ATP9B: variants seen among roughly 807,000 people sequenced by gnomAD.
The protein encoded by ATP9B is probable phospholipid-transporting ATPase IIB.
Under a neutral mutation model 146.1 loss-of-function variants are expected in ATP9B, and 110 were observed. The observed-to-expected ratio is 0.75, with a 90% CI of 0.65 to 0.88. The LOEUF is 0.88. Among genes scored for constraint, ATP9B ranks in the 40% least tolerant of loss-of-function variants. ATP9B has a pLI of 0.00. For synonymous variants in ATP9B, 604 were observed against 569.7 expected, an observed-to-expected ratio of 1.06 and a Z score of -0.86; for missense variants, 1,499 against 1,496.4, an observed-to-expected ratio of 1.00 and a Z score of -0.03.
intron 11 of ATP9B, among the ~76,000 whole-genome samples, chr18:79,252,864 A>G (rs1421599106): frequency 6.6e-6 from 1 of 151,098 alleles, no homozygotes; most frequent in African/African-American, 2.4e-5. Flanking sequence ...GGAAAGACAT[A>G]CATACTGTCC....
chr18:79,110,356 T>G lies in ATP9B; in HGVS notation c.295T>G (p.Cys99Gly). The G allele has an allele frequency of 6.3e-7, 1 of 1,595,038 alleles. No homozygotes were observed. Among genetic ancestry groups the G allele is most frequent in the Non-Finnish European group, 8.5e-7 (1 of 1,171,012 alleles). ...CDGWKFLCTS[C>G]CGWLINICRR... Reference sequence around the variant, plus strand: ...ATACGTATCTTTTGTTTCATACAGTTGCTGTGGTTGGCTGATAAATATTTG... The same window carrying G: ...ATACGTATCTTTTGTTTCATACAGTGGCTGTGGTTGGCTGATAAATATTTG... Residue 99 changes from cysteine (C) to glycine (G), a missense_variant and splice_region_variant, in exon 3 of 30, where the codon TGC becomes GGC. Physicochemically the swap from Cys to Gly is radical, Grantham distance 159 (BLOSUM62 -3). Transcript: ENST00000426216.
At chr18:79,305,204 A>T (rs893899851) in intron 14 of ATP9B, among the ~76,000 whole-genome samples, 2 of 152,244 alleles carry the variant, frequency 1.3e-5, no homozygotes, top group African/African-American at 4.8e-5. Context: ...CAGAGACTAG[A>T]CTAAATGACA....
chr18:79,170,776 T>G (rs2095058652), intron 7 of ATP9B, among the ~76,000 whole-genome samples: 1 of 152,206 alleles, frequency 6.6e-6, no homozygotes, highest in Non-Finnish European at 1.5e-5. Context: ...CTGAGCTACT[T>G]GATTATAAGC....
rs181463916 is a variant in ATP9B, at chr18:79,205,048, G to C, written c.955-1889G>C. 1.1e-4 allele frequency among the ~76,000 whole-genome samples: 17 copies of C among 152,252 alleles called. 1 individual carries two copies. In the East Asian group the frequency reaches 3.3e-3, roughly 29 times the overall value. On this transcript the variant is annotated intron_variant, in intron 9 of 29. Transcript: ENST00000426216. ...CGGTCGCCTTCTTGTGAAGGGACGT[G>C]GTGGAAGGTTCATGATCCCCAGGGC...
chr18:79,253,518 C>G lies in ATP9B; in HGVS notation c.1245C>G (p.Leu415=), dbSNP rs2096050880. Residue 415 remains leucine (L), a synonymous_variant, in exon 12 of 30, where the codon CTC becomes CTG. Transcript: ENST00000426216. ...GCAATCTTTTTCGGTTCCTTCTCCT[C>G]TTTTCTTACATCATTCCCATAAGGT... ...WYRNLFRFLL[L]FSYIIPISLR... is the part of the protein sequence containing the mutation. 1 of 1,602,100 alleles carries G rather than the reference C, an allele frequency of 6.2e-7. No homozygotes were observed.
rs187122175 is a variant in ATP9B at position 79,089,394 on chromosome 18, A to C, written c.120-7082A>C. Reference sequence around the variant, plus strand: ...TGCACTGTGTCCCTTGTTCCTGCCCATCTCTTCAGCTGCTTCTGGTGTCCT... The same window carrying C: ...TGCACTGTGTCCCTTGTTCCTGCCCCTCTCTTCAGCTGCTTCTGGTGTCCT... On this transcript the variant is annotated intron_variant, in intron 1 of 29. Transcript: ENST00000426216. Among the ~76,000 whole-genome samples the C allele has an allele frequency of 5.9e-5, 9 of 152,234 alleles. No homozygotes were observed. The South Asian group carries it at 1.5e-3, about 25-fold the overall frequency.
In ATP9B at chr18:79,327,784, G is replaced by A. The variant is rs538258932; in HGVS notation, c.1774-1357G>A. Among the ~76,000 whole-genome samples, 60 of 125,364 alleles carry A rather than the reference G, an allele frequency of 4.8e-4. 4 individuals are homozygous for A. Among genetic ancestry groups the A allele is most frequent in the African/African-American group, 1.6e-3 (50 of 31,784 alleles). 82.2% of individuals were successfully genotyped at this position (125,364 alleles called of 152,430 possible). On this transcript the variant is annotated intron_variant, in intron 15 of 29. Transcript: ENST00000426216. ...GCTCTCTGTGGTTAACGTGCTCTCCGTGGTTAGCGTGCTCTCCGTGGTTAG... is the reference window on the plus strand; with the variant it reads ...GCTCTCTGTGGTTAACGTGCTCTCCATGGTTAGCGTGCTCTCCGTGGTTAG...
chr18:79,250,392 T>G (rs2096010935), intron 11 of ATP9B, among the ~76,000 whole-genome samples: 1 of 152,116 alleles, frequency 6.6e-6, no homozygotes, highest in Non-Finnish European at 1.5e-5. Context: ...ATGAATAGAG[T>G]AAAATATGCA....
At chr18:79,367,634 G>T (rs545885780) in intron 26 of ATP9B, among the ~76,000 whole-genome samples, 1 of 152,258 alleles carries the variant, frequency 6.6e-6, no homozygotes, top group Non-Finnish European at 1.5e-5. Flanking sequence ...TGGAGGCCCC[G>T]CTGGGGCACC....
rs146175921 is a variant in ATP9B, at chr18:79,228,384, T to C, written c.1107+14346T>C. ...GGACTTCCATCTCCTCAAATTCCGC[T>C]AGTACCAAACTCCTCTTACTGTGAA... On this transcript the variant is annotated intron_variant, in intron 11 of 29. Transcript: ENST00000426216. Among the ~76,000 whole-genome samples, 100 of 152,334 alleles carry C rather than the reference T, an allele frequency of 6.6e-4. 2 individuals are homozygous for C. The East Asian group carries it at 0.012, about 18-fold the overall frequency.
chr18:79,375,702 T>A, intron 29 of ATP9B: 1 of 985,366 alleles, frequency 1.0e-6, no homozygotes, highest in Non-Finnish European at 1.2e-6. Flanking sequence ...TAAAACATAT[T>A]TGCCTTTTCA....
At chr18:79,347,362 T>C (rs138370424) in intron 23 of ATP9B, among the ~76,000 whole-genome samples, 2 of 152,226 alleles carry the variant, frequency 1.3e-5, no homozygotes, top group Non-Finnish European at 2.9e-5. Context: ...AAAACAGAAT[T>C]GTCTTGAAGC....
intron 2 of ATP9B, among the ~76,000 whole-genome samples, chr18:79,097,131 C>G (rs2146776323): frequency 6.7e-6 from 1 of 149,510 alleles, no homozygotes; most frequent in Middle Eastern, 3.4e-3. Flanking sequence ...GCACTCCATC[C>G]TGGGCAATGG....
intron 6 of ATP9B, among the ~76,000 whole-genome samples, chr18:79,151,239 A>C (rs1484752261): frequency 6.6e-6 from 1 of 152,260 alleles, no homozygotes; most frequent in African/African-American, 2.4e-5. Context: ...CTAGCATTAC[A>C]TTGAGAATCC....
At chr18:79,070,691 CAT>C (rs148619173) in intron 1 of ATP9B, among the ~76,000 whole-genome samples, 37,803 of 151,460 alleles carry the variant, frequency 0.25, 5,009 homozygotes, top group East Asian at 0.5. Context: ...GAAGCACTGT[CAT>C]GTGGTGCACG....
chr18:79,281,798 C>T (rs774706829), intron 13 of ATP9B, among the ~76,000 whole-genome samples: 33 of 152,052 alleles, frequency 2.2e-4, no homozygotes, highest in African/African-American at 7.5e-4. Context: ...CCAAGGCAGG[C>T]GGATCACCGG....
At position 79,075,513 on chromosome 18, in the gene ATP9B, T is replaced by C. The variant is rs1220094542; in HGVS notation, c.119+5984T>C. ...TTGTTTGGTGCATACACATTTGAGATTCCTGTGTGTTCTAGATGCATTGAC... is the reference window on the plus strand; with the variant it reads ...TTGTTTGGTGCATACACATTTGAGACTCCTGTGTGTTCTAGATGCATTGAC... On this transcript the variant is annotated intron_variant, in intron 1 of 29. Transcript: ENST00000426216. 3.3e-5 allele frequency among the ~76,000 whole-genome samples: 5 copies of C among 152,232 alleles called. No individual in the cohort carries two copies. In the East Asian group the frequency reaches 5.8e-4, roughly 18 times the overall value.
chr18:79,282,281 C>A (rs1240461490), intron 13 of ATP9B, among the ~76,000 whole-genome samples: 1 of 152,196 alleles, frequency 6.6e-6, no homozygotes, highest in Non-Finnish European at 1.5e-5. Context: ...AAAGCAGGGT[C>A]TGAGAGCATC....
chr18:79,336,821 G>C (rs2096829792), intron 18 of ATP9B, 110 bp downstream of exon 18: 1 of 1,131,652 alleles, frequency 8.8e-7, no homozygotes. Context: ...TATAGTCTAG[G>C]AGTGAAGGCA....
Sources: gnomAD v4.1 joint callset for allele counts (sites outside exome capture counted in the v4.1 genomes callset) on GRCh38, gnomAD v4.1.1 for gene constraint, MANE v1.5 for transcripts, NCBI Gene and HGNC (gene_info 2026-07-23, HGNC 2026-07-21) for gene names.